RTN4IP1: variants seen among roughly 807,000 people sequenced by gnomAD.
RTN4IP1 encodes the protein reticulon 4 interacting protein 1, also known as NAD(P)H oxidoreductase RTN4IP1, mitochondrial.
Under a neutral mutation model 46.6 loss-of-function variants are expected in RTN4IP1, and 32 were observed. That is an observed-to-expected ratio of 0.69 (90% CI 0.52 to 0.92). The LOEUF (loss-of-function observed/expected upper bound fraction) is 0.92. Among genes scored for constraint, RTN4IP1 ranks in the 40% least tolerant of loss-of-function variants. The pLI, the probability that RTN4IP1 is intolerant of heterozygous loss-of-function variation, is 0.00. For synonymous variants in RTN4IP1, 167 were observed against 161.8 expected, an observed-to-expected ratio of 1.03 and a Z score of -0.24; for missense variants, 424 against 485.8, an observed-to-expected ratio of 0.87 and a Z score of 1.20.
intron 2 of RTN4IP1, among the ~76,000 whole-genome samples, chr6:106,622,015 T>C (rs527955537): frequency 4.4e-4 from 67 of 152,142 alleles, no homozygotes; most frequent in Non-Finnish European, 9.6e-4. Flanking sequence ...AGGCAGAAAT[T>C]GTCATTTAAA....
chr6:106,629,618 G>C, upstream of RTN4IP1: 1 of 1,558,550 alleles, frequency 6.4e-7, no homozygotes, highest in Admixed American at 1.9e-5. Flanking sequence ...AACATCACTA[G>C]CGACCGGTGA....
At chr6:106,603,298 C>CTGT (rs1478229901) in intron 4 of RTN4IP1, among the ~76,000 whole-genome samples, 1 of 152,166 alleles carries the variant, frequency 6.6e-6, no homozygotes. Flanking sequence ...TTATGCTTAG[C>CTGT]TGTTCTCTAA....
At chr6:106,629,591 G>A, upstream of RTN4IP1, 1 of 1,491,766 alleles carries the variant, frequency 6.7e-7, no homozygotes, top group South Asian at 1.2e-5. Context: ...GACAATTAAA[G>A]ATGGCTGCGC....
At chr6:106,604,661 A>T (rs1476924345) in intron 4 of RTN4IP1, among the ~76,000 whole-genome samples, 1 of 152,152 alleles carries the variant, frequency 6.6e-6, no homozygotes, top group Admixed American at 6.5e-5. Flanking sequence ...AGTAGGTGCC[A>T]CACACACAGC....
intron 4 of RTN4IP1, among the ~76,000 whole-genome samples, chr6:106,617,667 T>C (rs1037334855): frequency 7.9e-5 from 12 of 152,186 alleles, no homozygotes; most frequent in Admixed American, 2.6e-4. Flanking sequence ...CTCACACCAA[T>C]GTCTCTAAGA....
chr6:106,586,011 C>A (rs1775473929), intron 7 of RTN4IP1, among the ~76,000 whole-genome samples: 1 of 152,344 alleles, frequency 6.6e-6, no homozygotes, highest in South Asian at 2.1e-4. Flanking sequence ...TTTCTGGCTA[C>A]TGTCTGAATC....
intron 4 of RTN4IP1, among the ~76,000 whole-genome samples, chr6:106,613,265 C>A (rs905256134): frequency 6.6e-6 from 1 of 152,050 alleles, no homozygotes; most frequent in African/African-American, 2.4e-5. Context: ...CCCTAGCTGT[C>A]CTAGTTTAAG....
intron 4 of RTN4IP1, among the ~76,000 whole-genome samples, chr6:106,617,095 T>C (rs1776375253): frequency 1.3e-5 from 2 of 152,174 alleles, no homozygotes; most frequent in South Asian, 4.1e-4. Flanking sequence ...AACCAGAAAG[T>C]TGGTCCTCAC....
At chr6:106,586,709 A>C (rs573222640) in intron 7 of RTN4IP1, among the ~76,000 whole-genome samples, 2 of 152,166 alleles carry the variant, frequency 1.3e-5, no homozygotes. Context: ...CCATTTTAAC[A>C]TCAATTCATA....
intron 4 of RTN4IP1, among the ~76,000 whole-genome samples, chr6:106,615,023 C>A (rs1032932701): frequency 4.2e-5 from 6 of 141,632 alleles, no homozygotes; most frequent in East Asian, 2.4e-4. Context: ...TTCCATCACA[C>A]TGACCAAGCC....
chr6:106,579,832 T>C (rs1665794009), intron 8 of RTN4IP1, among the ~76,000 whole-genome samples: 1 of 151,888 alleles, frequency 6.6e-6, no homozygotes, highest in South Asian at 2.1e-4. Context: ...CAGGCTGGTC[T>C]TGAACTCCTG....
upstream of RTN4IP1, among the ~76,000 whole-genome samples, chr6:106,630,247 G>C (rs887538877): frequency 6.6e-6 from 1 of 151,996 alleles, no homozygotes; most frequent in Admixed American, 6.6e-5. Context: ...ATGCTTTCTG[G>C]GCAGTTCTTC....
rs1226592141 is a variant in RTN4IP1, at chr6:106,572,085, G to T, written c.1102C>A (p.Gln368Lys). 6.2e-7 allele frequency: 1 copy of T among 1,613,768 alleles called. No individual in the cohort carries two copies. Among genetic ancestry groups the T allele is most frequent in the African/African-American group, 1.3e-5 (1 of 74,924 alleles). Residue 368 changes from glutamine (Q) to lysine (K), a missense_variant, in exon 9 of 9, where the codon CAA (glutamine) becomes AAA (lysine). Transcript: ENST00000369063. ...GGAACTTTAGAAAAAGGAAAGGTTTGTTCAATAACTGGCCGGATCTGTAAA... is the reference window on the plus strand; with the variant it reads ...GGAACTTTAGAAAAAGGAAAGGTTTTTTCAATAACTGGCCGGATCTGTAAA... ...DAGKIRPVIE[Q>K]TFPFSKVPEA...
intron 4 of RTN4IP1, among the ~76,000 whole-genome samples, chr6:106,615,557 C>T (rs1328713445): frequency 1.3e-5 from 2 of 152,084 alleles, no homozygotes; most frequent in African/African-American, 4.8e-5. Context: ...TCACTGTAAC[C>T]TCCGCCTCCC....
chr6:106,592,213 T>C lies in RTN4IP1; in HGVS notation c.757A>G (p.Ile253Val), dbSNP rs751930522. Residue 253 changes from isoleucine (I) to valine (V), a missense_variant, in exon 6 of 9, where the codon ATT (isoleucine) becomes GTT (valine). Physicochemically the swap from Ile to Val is conservative, Grantham distance 29. Transcript: ENST00000369063. ...TCCACACTTCCAGATTTGTAATCAATTACATCGTCTGCACCAAGCTTCCTT... is the reference window on the plus strand; with the variant it reads ...TCCACACTTCCAGATTTGTAATCAACTACATCGTCTGCACCAAGCTTCCTT... ...LVRKLGADDVIDYKSGSVEEQ... is the reference protein window; with the variant it reads ...LVRKLGADDVVDYKSGSVEEQ... The C allele has an allele frequency of 1.9e-6, 3 of 1,614,026 alleles. No individual in the cohort carries two copies. Among genetic ancestry groups the C allele is most frequent in the Non-Finnish European group, 2.5e-6 (3 of 1,180,022 alleles).
At chr6:106,574,314 G>A (rs1185493499) in intron 8 of RTN4IP1, among the ~76,000 whole-genome samples, 1 of 151,984 alleles carries the variant, frequency 6.6e-6, no homozygotes, top group Non-Finnish European at 1.5e-5. Flanking sequence ...GTGGTGGTGT[G>A]TGTCTGTAAT....
At chr6:106,627,710 T>TCATG (rs2114688420) in intron 1 of RTN4IP1, among the ~76,000 whole-genome samples, 2 of 144,380 alleles carry the variant, frequency 1.4e-5, no homozygotes, top group Middle Eastern at 3.7e-3. Flanking sequence ...AACGTAGACT[T>TCATG]CATGAGACAA....
intron 4 of RTN4IP1, among the ~76,000 whole-genome samples, chr6:106,617,013 A>AAG (rs148822571): frequency 0.078 from 11,868 of 152,184 alleles, 567 homozygotes; most frequent in East Asian, 0.11. Context: ...GTGCTCTTAT[A>AAG]AGAGAGAGAG....
At chr6:106,625,131 C>T (rs1377092157) in intron 1 of RTN4IP1, among the ~76,000 whole-genome samples, 1 of 151,502 alleles carries the variant, frequency 6.6e-6, no homozygotes. Context: ...ATCTGTTATT[C>T]TCTCTTCTGC....
Sources: allele counts gnomAD v4.1 joint callset (sites outside exome capture counted in the v4.1 genomes callset), GRCh38; gene constraint gnomAD v4.1.1; transcripts MANE v1.5; gene names NCBI Gene and HGNC (gene_info 2026-07-23, HGNC 2026-07-21).